Variants in TAFA2 observed in about 807,000 individuals in gnomAD.
TAFA2 encodes TAFA chemokine like family member 2, also known as chemokine-like protein TAFA-2.
TAFA2 carries 7 observed loss-of-function variants against 18.8 expected under a neutral mutation model. The observed-to-expected ratio is 0.37, with a 90% CI of 0.21 to 0.70. The LOEUF (loss-of-function observed/expected upper bound fraction) is 0.70, where lower values mean the gene tolerates loss of function less well. Among genes scored for constraint, TAFA2 ranks in the 30% least tolerant of loss-of-function variants. TAFA2 has a pLI of 0.53. For missense variants in TAFA2, 122 were observed against 158.1 expected (o/e 0.77, Z 1.23); for synonymous variants, 60 against 54.2 (o/e 1.11, Z -0.47).
rs768279387 is a variant in TAFA2, at chr12:62,080,969, C to T, written c.-2+110290G>A. Among the ~76,000 whole-genome samples, 3 of 152,092 alleles carry T rather than the reference C, an allele frequency of 2.0e-5. No homozygotes were observed. The East Asian group carries it at 5.8e-4, about 29-fold the overall frequency. The stretch of plus-strand genomic sequence containing the variant: ...CAGCACTTTGGGAGGCCAAGGCGGG[C>T]GGATCACGAGGTCAGGAGATCGAGA... On this transcript the variant is annotated intron_variant, in intron 1 of 4. Coordinates refer to ENST00000416284, the MANE Select transcript of TAFA2 (RefSeq NM_178539.5).
At chr12:62,250,445 GTTTTAT>G (rs1357603271) in intron 1 of TAFA2, among the ~76,000 whole-genome samples, 3 of 151,828 alleles carry the variant, frequency 2.0e-5, no homozygotes, top group Non-Finnish European at 4.4e-5. Context: ...TGTATGACTT[GTTTTAT>G]TTTTATTGTT....
intron 1 of TAFA2, among the ~76,000 whole-genome samples, chr12:62,044,595 C>T (rs890846654): frequency 1.3e-5 from 2 of 152,140 alleles, no homozygotes; most frequent in African/African-American, 4.8e-5. Context: ...ATTTTCAACT[C>T]AGGCTCCTGC....
chr12:61,913,545 G>T (rs1174371513), intron 1 of TAFA2, among the ~76,000 whole-genome samples: 1 of 152,148 alleles, frequency 6.6e-6, no homozygotes, highest in Non-Finnish European at 1.5e-5. Context: ...CAGTCTATGG[G>T]TCATGTTCCT....
At chr12:61,750,895 C>T (rs1290928636) in intron 4 of TAFA2, among the ~76,000 whole-genome samples, 4 of 152,080 alleles carry the variant, frequency 2.6e-5, no homozygotes, top group Admixed American at 2.6e-4. Context: ...TAACCTATTC[C>T]TACATAACTT....
intron 1 of TAFA2, among the ~76,000 whole-genome samples, chr12:62,146,345 A>G (rs529996969): frequency 7.3e-6 from 1 of 136,782 alleles, no homozygotes; most frequent in African/African-American, 2.8e-5. Context: ...GTGCAGTGGC[A>G]CAATCTTGGC....
intron 1 of TAFA2, among the ~76,000 whole-genome samples, chr12:62,124,417 A>G (rs1272091434): frequency 2.0e-5 from 3 of 152,166 alleles, no homozygotes; most frequent in African/African-American, 4.8e-5. Flanking sequence ...CTACAGTCAC[A>G]CACACCAAGA....
intron 1 of TAFA2, among the ~76,000 whole-genome samples, chr12:62,012,235 G>C (rs1267602349): frequency 1.3e-5 from 2 of 152,112 alleles, no homozygotes; most frequent in African/African-American, 4.8e-5. Context: ...TTAATTATCT[G>C]ACTGTCACAT....
intron 1 of TAFA2, among the ~76,000 whole-genome samples, chr12:61,870,462 C>T (rs963444653): frequency 2.6e-5 from 4 of 152,160 alleles, no homozygotes; most frequent in Non-Finnish European, 4.4e-5. Flanking sequence ...TCTTTATGAG[C>T]ATGAAACATA....
chr12:61,786,194 A>T (rs1238462719), intron 2 of TAFA2, among the ~76,000 whole-genome samples: 5 of 151,594 alleles, frequency 3.3e-5, no homozygotes, highest in Non-Finnish European at 7.4e-5. Context: ...AGACTAGGAA[A>T]TCTTACCATG....
intron 2 of TAFA2, among the ~76,000 whole-genome samples, chr12:61,812,745 TTTTTAGTAGGGACAGGG>T (rs1871926829): frequency 6.6e-6 from 1 of 151,066 alleles, no homozygotes; most frequent in East Asian, 1.9e-4. Flanking sequence ...AACTTTTGTA[TTTTTAGTAGGGACAGGG>T]TTTTACCATG....
chr12:61,831,584 T>C (rs1467907968), intron 2 of TAFA2, among the ~76,000 whole-genome samples: 2 of 152,086 alleles, frequency 1.3e-5, no homozygotes, highest in Non-Finnish European at 2.9e-5. Context: ...CAACAGAAAG[T>C]GTGAAGCATT....
At chr12:61,821,239 A>C (rs1378813653) in intron 2 of TAFA2, among the ~76,000 whole-genome samples, 1 of 152,018 alleles carries the variant, frequency 6.6e-6, no homozygotes, top group Non-Finnish European at 1.5e-5. Context: ...TCCTCTAGTT[A>C]AAAGGTAAAA....
chr12:62,096,236 A>T (rs144474028), intron 1 of TAFA2, among the ~76,000 whole-genome samples: 2 of 152,172 alleles, frequency 1.3e-5, no homozygotes, highest in Non-Finnish European at 2.9e-5. Flanking sequence ...GGTGCCAGAG[A>T]TGTTGCTTAG....
chr12:62,169,524 G>A (rs911920966), intron 1 of TAFA2, among the ~76,000 whole-genome samples: 1 of 152,134 alleles, frequency 6.6e-6, no homozygotes, highest in African/African-American at 2.4e-5. Context: ...CCTAGAAGAG[G>A]TGATACATTA....
At chr12:62,144,959 G>A (rs981603581) in intron 1 of TAFA2, among the ~76,000 whole-genome samples, 2 of 152,174 alleles carry the variant, frequency 1.3e-5, no homozygotes, top group Admixed American at 6.5e-5. Context: ...GCTTGTACTT[G>A]GTGAGGTATA....
intron 1 of TAFA2, chr12:61,880,099 C>T (rs1875054533): frequency 3.2e-6 from 2 of 634,316 alleles, no homozygotes; most frequent in Admixed American, 2.2e-5. Flanking sequence ...TGGACAACAT[C>T]ATCACTGAGG....
intron 1 of TAFA2, among the ~76,000 whole-genome samples, chr12:62,155,893 T>C (rs1326439889): frequency 6.6e-6 from 1 of 152,224 alleles, no homozygotes; most frequent in Non-Finnish European, 1.5e-5. Flanking sequence ...GGCAAGGATT[T>C]CATGATCGAG....
intron 4 of TAFA2, among the ~76,000 whole-genome samples, chr12:61,718,076 A>G (rs2120575492): frequency 6.6e-6 from 1 of 152,322 alleles, no homozygotes; most frequent in African/African-American, 2.4e-5. Context: ...TCATTATATC[A>G]GAATGCAGAA....
At position 61,753,704 on chromosome 12, in the gene TAFA2, C is replaced by T; in HGVS notation, c.302G>A (p.Cys101Tyr). 6.2e-7 allele frequency: 1 copy of T among 1,612,558 alleles called. No homozygotes were observed. The highest frequency in any genetic ancestry group is 8.5e-7 in the Non-Finnish European group (1 of 1,179,030). The change falls in exon 4 of 5, where the codon TGT becomes TAT. Residue 101 changes from cysteine (C) to tyrosine (Y), a missense_variant. By Grantham distance (194) the Cys-to-Tyr change is radical (BLOSUM62 -2). Coordinates refer to ENST00000416284, the MANE Select transcript of TAFA2 (RefSeq NM_178539.5). ...EQKWWCHMQPCLEGEECKVLP... is the reference protein window; with the variant it reads ...EQKWWCHMQPYLEGEECKVLP... ...AACTTTACATTCTTCTCCCTCTAGACATGGCTGCATATGGCACCACCATTT... is the reference window on the plus strand; with the variant it reads ...AACTTTACATTCTTCTCCCTCTAGATATGGCTGCATATGGCACCACCATTT...
Sources: allele counts gnomAD v4.1 joint callset (sites outside exome capture counted in the v4.1 genomes callset), GRCh38; gene constraint gnomAD v4.1.1; transcripts MANE v1.5; gene names NCBI Gene and HGNC (gene_info 2026-07-23, HGNC 2026-07-21).